Variants in LONRF3 observed in about 807,000 individuals in gnomAD.
LONRF3 encodes the protein LON peptidase N-terminal domain and ring finger 3, also known as LON peptidase N-terminal domain and RING finger protein 3.
Under a neutral mutation model 51.7 loss-of-function variants are expected in LONRF3, and 19 were observed. The observed-to-expected ratio is 0.37, with a 90% CI of 0.26 to 0.54. LONRF3 has a LOEUF of 0.54. Among genes scored for constraint, LONRF3 ranks in the 20% least tolerant of loss-of-function variants. The pLI, the probability that LONRF3 is intolerant of heterozygous loss-of-function variation, is 0.86. For missense variants in LONRF3, 521 were observed against 623.9 expected (o/e 0.84, Z 1.76); for synonymous variants, 265 against 257.8 (o/e 1.03, Z -0.27).
rs372823698 is a variant in LONRF3, at chrX:119,004,568, C to A, written c.1416-1553C>A. Among the ~76,000 whole-genome samples the A allele has an allele frequency of 1.9e-4, 21 of 112,429 alleles. No individual in the cohort carries two copies. The East Asian group carries it at 3.9e-3, about 21-fold the overall frequency. ...GGAGGCTTAAAAAAAATTTCTGATG[C>A]CTGTCCTGTACACTGGGCCTACTGA... is the stretch of plus-strand genomic sequence containing the variant. On this transcript the variant is annotated intron_variant, in intron 5 of 10. Coordinates refer to ENST00000371628, the MANE Select transcript of LONRF3 (RefSeq NM_001031855.3).
In LONRF3 at chrX:119,017,898, C is replaced by T. The variant is rs1415419399; in HGVS notation, c.*208C>T. 2 of 328,619 alleles carry T rather than the reference C, an allele frequency of 6.1e-6. No individual in the cohort carries two copies. Among genetic ancestry groups the T allele is most frequent in the Non-Finnish European group, 1.0e-5 (2 of 193,207 alleles). The allele number at this position is 328,619 out of a possible 1,213,427, so 27.1% of individuals were successfully genotyped here. The stretch of plus-strand genomic sequence containing the variant: ...CTTTCTGTCTTAAGATGCTTCTTGA[C>T]ATGCTGCATAACTACATAAACAGCA... On this transcript the variant is annotated 3_prime_UTR_variant, in exon 11 of 11. Transcript: ENST00000371628.
intron 6 of LONRF3, among the ~76,000 whole-genome samples, chrX:119,006,778 C>T (rs766785991): frequency 2.7e-5 from 3 of 110,818 alleles, no homozygotes; most frequent in South Asian, 3.9e-4. Context: ...TTAGTAGAGA[C>T]GGGGTTTCAC....
chrX:118,994,407 A>C (rs933371017), intron 5 of LONRF3, among the ~76,000 whole-genome samples: 1 of 76,820 alleles, frequency 1.3e-5, no homozygotes, highest in Non-Finnish European at 2.4e-5. Context: ...AGACAAAACA[A>C]ATTTTTTTTT....
chrX:118,990,931 C>T (rs1170149026), intron 5 of LONRF3, among the ~76,000 whole-genome samples: 2 of 111,223 alleles, frequency 1.8e-5, no homozygotes, highest in Non-Finnish European at 3.8e-5. Context: ...GATTTCAGCT[C>T]ACTGCAACCT....
chrX:118,975,701 A>T, intron 1 of LONRF3, 104 bp downstream of exon 1: 11 of 90,861 alleles, frequency 1.2e-4, no homozygotes, highest in Non-Finnish European at 1.5e-4. Context: ...AGGGCAGAAG[A>T]GGGGGCGGGG....
intron 7 of LONRF3, 23 bp from the exon 8 acceptor site, chrX:119,011,792 C>T: frequency 8.3e-7 from 1 of 1,205,678 alleles, no homozygotes; most frequent in Non-Finnish European, 1.1e-6. Context: ...TTTGAGATCC[C>T]TGTCATTTTC....
intron 2 of LONRF3, among the ~76,000 whole-genome samples, chrX:118,980,932 G>A (rs1922502936): frequency 8.9e-6 from 1 of 112,100 alleles, no homozygotes; most frequent in Non-Finnish European, 1.9e-5. Context: ...TAGTGATGAA[G>A]TGAGAGGTGG....
intron 7 of LONRF3, among the ~76,000 whole-genome samples, chrX:119,011,467 G>C (rs1454069114): frequency 9.0e-6 from 1 of 111,679 alleles, no homozygotes; most frequent in Non-Finnish European, 1.9e-5. Flanking sequence ...GTTTTGAGTG[G>C]AGAGCATGAA....
chrX:118,986,182 C>T (rs1227108412), intron 3 of LONRF3, among the ~76,000 whole-genome samples: 2 of 110,961 alleles, frequency 1.8e-5, no homozygotes, highest in Non-Finnish European at 3.8e-5. Context: ...GCACGTCTAC[C>T]CTCCCAGCTT....
chrX:119,000,784 TC>T (rs1924232010), intron 5 of LONRF3, among the ~76,000 whole-genome samples: 2 of 2,740 alleles, frequency 7.3e-4, no homozygotes, highest in African/African-American at 3.6e-3. Flanking sequence ...ATTCTCTCTC[TC>T]TCTCTCTCTC....
intron 2 of LONRF3, among the ~76,000 whole-genome samples, chrX:118,979,805 G>T (rs1217454967): frequency 1.8e-5 from 2 of 111,194 alleles, no homozygotes; most frequent in East Asian, 5.7e-4. Flanking sequence ...TATCCCCAAG[G>T]ATTTAGGTCA....
intron 5 of LONRF3, among the ~76,000 whole-genome samples, chrX:119,001,563 T>TTGGCTGTG (rs1310860550): frequency 8.9e-6 from 1 of 112,241 alleles, no homozygotes; most frequent in African/African-American, 3.2e-5. Context: ...TCCAGTCACT[T>TTGGCTGTG]TGGCTGTGCA....
In LONRF3 at chrX:118,975,240, G is replaced by A. The variant is rs752241740; in HGVS notation, c.460G>A (p.Asp154Asn). 1 of 1,203,977 alleles carries A rather than the reference G, an allele frequency of 8.3e-7. No homozygotes were observed. The highest frequency in any genetic ancestry group is 1.8e-5 in the South Asian group (1 of 55,788). Residue 154 changes from aspartate (D) to asparagine (N), a missense_variant, in exon 1 of 11, where the codon GAC becomes AAC. Asp to Asn is a conservative substitution (Grantham distance 23). Transcript: ENST00000371628. ...GGCTGCGGCGGCCACCGAGGTGTGG[G>A]ACGGCTTTAAGTGCCGGAAATGTCA... ...AAAAAATEVW[D>N]GFKCRKCHGF...
At chrX:118,991,773 C>T (rs1003936238) in intron 5 of LONRF3, among the ~76,000 whole-genome samples, 1 of 111,907 alleles carries the variant, frequency 8.9e-6, no homozygotes, top group Non-Finnish European at 1.9e-5. Context: ...AGTGTACCTA[C>T]TCCATAGGGT....
chrX:119,012,930 C>T, intron 8 of LONRF3, 109 bp from the exon 9 acceptor site: 2 of 1,203,152 alleles, frequency 1.7e-6, no homozygotes, highest in South Asian at 3.6e-5. Context: ...GGAAAATAGG[C>T]AGAAGTCCCT....
chrX:118,980,739 G>A (rs1282400200), intron 2 of LONRF3, among the ~76,000 whole-genome samples: 2 of 111,456 alleles, frequency 1.8e-5, no homozygotes, highest in Non-Finnish European at 3.8e-5. Context: ...CTGCCTAGGA[G>A]TAAGAGGACT....
At position 119,009,120 on chromosome X, in the gene LONRF3, A is replaced by G. The variant is rs1924926604; in HGVS notation, c.1531-6A>G. The stretch of plus-strand genomic sequence containing the variant: ...GCATATTGTCTAATTGCCTCCCCCC[A>G]TGTAGTGCTTGGCATCAAGAAAATA... On this transcript the variant is annotated splice_polypyrimidine_tract_variant and splice_region_variant and intron_variant, in intron 6 of 10. Transcript: ENST00000371628. 2 of 1,205,965 alleles carry G rather than the reference A, an allele frequency of 1.7e-6. No individual in the cohort carries two copies. Among genetic ancestry groups the G allele is most frequent in the Non-Finnish European group, 1.1e-6 (1 of 891,298 alleles).
intron 1 of LONRF3, 27 bp from the exon 2 acceptor site, chrX:118,978,318 A>G (rs1922249147): frequency 3.8e-6 from 4 of 1,044,972 alleles, no homozygotes; most frequent in African/African-American, 3.7e-5. Context: ...GGCCATTAAT[A>G]AAGGTTTTTC....
Position 118,975,341 on chromosome X carries a change from C to T in LONRF3, c.561C>T (p.Ala187=). ...AACTGTGCCTGGAACGTGGGCGGGC[C>T]GCCGACCGGCGCTGTGCGCTGTGCG... The part of the protein sequence containing the change: ...FCKLCLERGR[A]ADRRCALCGV... Residue 187 remains alanine (A), a synonymous_variant, in exon 1 of 11, where the codon GCC becomes GCT. Transcript: ENST00000371628. 1 of 1,209,842 alleles carries T rather than the reference C, an allele frequency of 8.3e-7. No homozygotes were observed. The highest frequency in any genetic ancestry group is 1.7e-5 in the African/African-American group (1 of 57,863).
Sources: gnomAD v4.1 joint callset for allele counts (sites outside exome capture counted in the v4.1 genomes callset) on GRCh38, gnomAD v4.1.1 for gene constraint, MANE v1.5 for transcripts, NCBI Gene and HGNC (gene_info 2026-07-23, HGNC 2026-07-21) for gene names.